Variants in AATK observed in about 807,000 individuals in gnomAD.
AATK encodes serine/threonine-protein kinase LMTK1.
In AATK, 91 loss-of-function variants were observed where a neutral mutation model predicts 114.3. That is an observed-to-expected ratio of 0.80 (90% confidence interval 0.67 to 0.95). The LOEUF (loss-of-function observed/expected upper bound fraction) is 0.95. Among genes scored for constraint, AATK ranks in the 40% least tolerant of loss-of-function variants. AATK has a pLI of 0.00. For synonymous variants in AATK, 1,075 were observed against 916.5 expected (o/e 1.17, Z -3.12); for missense variants, 2,176 against 1,965.2 (o/e 1.11, Z -2.03).
chr17:81,125,056 AGCAG>A, intron 7 of AATK, 42 bp from the exon 8 acceptor site: 1 of 1,077,522 alleles, frequency 9.3e-7, no homozygotes. Context: ...GAGCAGGGTG[AGCAG>A]GGTGTGCCGG....
In AATK at chr17:81,140,878, CCGTGGGGA is replaced by C. The variant is rs1407828664; in HGVS notation, c.56-6385_56-6378del. 8.0e-5 allele frequency among the ~76,000 whole-genome samples: 10 copies of C among 125,654 alleles called. 1 individual carries two copies. Among genetic ancestry groups the C allele is most frequent in the African/African-American group, 3.2e-4 (10 of 31,738 alleles). The allele number at this position is 125,654 out of a possible 152,430, so 82.4% of individuals were successfully genotyped here. A position where few individuals can be genotyped will look rare whatever the true frequency, so the allele number is the denominator to read the frequency against. ...GGCTGTGGGGCCGTGAGCCGTGGGG[CCGTGGGGA>C]CCGTGAGCTGTGAGCCGTGGGGCCG... On this transcript the variant is annotated intron_variant, in intron 1 of 13. Coordinates refer to ENST00000326724, the MANE Select transcript of AATK (RefSeq NM_001080395.3).
Position 81,122,591 on chromosome 17 carries a change from G to A in AATK, c.1345C>T (p.Leu449=), listed in dbSNP as rs2060713833. 2.8e-6 allele frequency: 4 copies of A among 1,442,484 alleles called. No homozygotes were observed. Among genetic ancestry groups the A allele is most frequent in the Non-Finnish European group, 3.7e-6 (4 of 1,088,858 alleles). 89.4% of individuals were successfully genotyped at this position (1,442,484 alleles called of 1,614,324 possible). A position where few individuals can be genotyped will look rare whatever the true frequency, so the allele number is the denominator to read the frequency against. ...VELAAASSFP[L]LEQFAGDGFH... The stretch of plus-strand genomic sequence containing the variant: ...CCGTCGCCCGCGAACTGCTCCAGCA[G>A]CGGGAAGGACGAGGCAGCGGCGAGC... The change falls in exon 11 of 14, where the codon CTG becomes TTG. Residue 449 remains leucine, a synonymous_variant. Transcript: ENST00000326724.
At chr17:81,133,613 G>T (rs1044158651) in intron 2 of AATK, among the ~76,000 whole-genome samples, 7 of 152,212 alleles carry the variant, frequency 4.6e-5, no homozygotes, top group African/African-American at 1.7e-4. Context: ...GCAGGAATGG[G>T]ACCCATGGAG....
rs981271807 is a variant in AATK at position 81,131,050 on chromosome 17, C to T, written c.334+11G>A. ...GAGGGAGGCCACCCCATCTCCCCAC[C>T]CAGCCCTCACCTGAGCGCCCAGGCT... On this transcript the variant is annotated intron_variant, in intron 3 of 13. Coordinates refer to ENST00000326724, the MANE Select transcript of AATK (RefSeq NM_001080395.3). 1.3e-6 allele frequency: 2 copies of T among 1,548,456 alleles called. No individual in the cohort carries two copies. Among genetic ancestry groups the T allele is most frequent in the African/African-American group, 1.4e-5 (1 of 73,238 alleles).
Position 81,122,724 on chromosome 17 carries a change from G to A in AATK, c.1212C>T (p.Thr404=), listed in dbSNP as rs781739918. The A allele has an allele frequency of 1.3e-6, 2 of 1,592,166 alleles. No individual in the cohort carries two copies. The highest frequency in any genetic ancestry group is 1.1e-5 in the South Asian group (1 of 87,644). The change falls in exon 11 of 14, where the codon ACC becomes ACT. Residue 404 remains threonine, a synonymous_variant. Transcript: ENST00000326724. The part of the protein sequence containing the change: ...LLSYLCAKGA[T]EAEEEFERRW... The stretch of plus-strand genomic sequence containing the variant: ...GCCGTTCAAACTCCTCCTCTGCTTC[G>A]GTGGCGCCCTTGGCACACAGGTAGG...
intron 1 of AATK, among the ~76,000 whole-genome samples, chr17:81,158,089 G>A (rs890438099): frequency 2.0e-5 from 3 of 152,202 alleles, no homozygotes; most frequent in Admixed American, 6.5e-5. Context: ...GCGGCCGGGC[G>A]TCGCGGATGC....
chr17:81,125,169 G>A (rs1023678193), intron 7 of AATK, 155 bp from the exon 8 acceptor site: 6 of 714,170 alleles, frequency 8.4e-6, no homozygotes, highest in East Asian at 2.7e-5. Flanking sequence ...AGGCTGGAAG[G>A]GGCGTTGGAG....
intron 1 of AATK, among the ~76,000 whole-genome samples, chr17:81,154,675 G>T (rs1336341168): frequency 7.1e-6 from 1 of 141,744 alleles, no homozygotes; most frequent in African/African-American, 2.9e-5. Flanking sequence ...TGTCGCCCAG[G>T]CTGGAGTGCA....
chr17:81,138,693 C>A lies in AATK; in HGVS notation c.56-4192G>T, dbSNP rs147136094. Reference sequence around the variant, plus strand: ...TACATGCACACCCACCCACACACACCCAAGCACGCAGATACCCACACGCGC... The same window carrying A: ...TACATGCACACCCACCCACACACACACAAGCACGCAGATACCCACACGCGC... On this transcript the variant is annotated intron_variant, in intron 1 of 13. Transcript: ENST00000326724. Among the ~76,000 whole-genome samples the A allele has an allele frequency of 1.7e-3, 256 of 149,606 alleles. 1 individual carries two copies. Among genetic ancestry groups the A allele is most frequent in the Non-Finnish European group, 2.8e-3 (191 of 67,366 alleles).
chr17:81,138,702 C>T (rs775664959), intron 1 of AATK, among the ~76,000 whole-genome samples: 3 of 151,176 alleles, frequency 2.0e-5, no homozygotes, highest in Non-Finnish European at 3.0e-5. Flanking sequence ...CCCAAGCACG[C>T]AGATACCCAC....
In AATK at chr17:81,121,473, A is replaced by ATCAGGGGCG. The variant is rs1449904372; in HGVS notation, c.2454_2462dup (p.Pro820_Ala822dup). 3.8e-6 allele frequency: 6 copies of ATCAGGGGCG among 1,577,378 alleles called. No homozygotes were observed. The highest frequency in any genetic ancestry group is 1.3e-5 in the African/African-American group (1 of 74,400). ...CAGGCGTGGGAGAGTCAGGCAGGGCATCAGGGGCGTCGGGGGCACTGGCCT... is the reference window on the plus strand; with the variant it reads ...CAGGCGTGGGAGAGTCAGGCAGGGCATCAGGGGCGTCAGGGGCGTCGGGGGCACTGGCCT... On this transcript the variant is annotated inframe_insertion, in exon 11 of 14. Coordinates refer to ENST00000326724, the MANE Select transcript of AATK (RefSeq NM_001080395.3).
intron 1 of AATK, among the ~76,000 whole-genome samples, chr17:81,134,942 C>A (rs953900705): frequency 6.6e-6 from 1 of 152,208 alleles, no homozygotes; most frequent in Non-Finnish European, 1.5e-5. Context: ...GGCCACACAC[C>A]AGGCTCTGGA....
At chr17:81,136,345 C>G (rs1429275511) in intron 1 of AATK, 1 of 152,292 alleles carries the variant, frequency 6.6e-6, no homozygotes, top group Non-Finnish European at 1.5e-5. Flanking sequence ...AGGCCACCTG[C>G]TGGGCAAAGA....
chr17:81,142,402 A>G (rs928326391), intron 1 of AATK, among the ~76,000 whole-genome samples: 2 of 151,798 alleles, frequency 1.3e-5, no homozygotes, highest in African/African-American at 2.4e-5. Flanking sequence ...CCTCCCAAGT[A>G]GCTGAGACCA....
chr17:81,150,316 G>A (rs1423626332), intron 1 of AATK, among the ~76,000 whole-genome samples: 1 of 151,802 alleles, frequency 6.6e-6, no homozygotes, highest in Admixed American at 6.6e-5. Flanking sequence ...CTCTGTCAAC[G>A]CTGGGTGGGG....
At chr17:81,156,237 T>C (rs996887640) in intron 1 of AATK, among the ~76,000 whole-genome samples, 78 of 151,490 alleles carry the variant, frequency 5.1e-4, no homozygotes, top group Admixed American at 6.6e-4. Context: ...TGTATGTTAC[T>C]ATGTTACAAT....
Position 81,121,946 on chromosome 17 carries a change from G to A in AATK, c.1990C>T (p.Leu664=), listed in dbSNP as rs747665089. The A allele has an allele frequency of 8.1e-6, 13 of 1,599,918 alleles. No individual in the cohort carries two copies. The highest frequency in any genetic ancestry group is 2.7e-5 in the African/African-American group (2 of 74,852). ...PPLPLTGEDE[L]EEVGARRAAQ... ...GCCCTCCGCGCTCCCACCTCCTCTA[G>A]CTCATCCTCGCCAGTCAGCGGCAGC... Residue 664 remains leucine, a synonymous_variant, in exon 11 of 14, where the codon CTA becomes TTA. Coordinates refer to ENST00000326724, the MANE Select transcript of AATK (RefSeq NM_001080395.3).
chr17:81,125,890 C>A, intron 7 of AATK: 1 of 469,160 alleles, frequency 2.1e-6, no homozygotes, highest in Non-Finnish European at 4.4e-6. Flanking sequence ...CCCTCTTCAA[C>A]AAAATCACTG....
intron 2 of AATK, among the ~76,000 whole-genome samples, chr17:81,131,751 C>T (rs1428416080): frequency 2.6e-5 from 4 of 152,136 alleles, no homozygotes; most frequent in African/African-American, 7.2e-5. Context: ...CCTCCCATGG[C>T]GCAGCTTCGG....
Sources: gnomAD v4.1 joint callset for allele counts (sites outside exome capture counted in the v4.1 genomes callset) on GRCh38, gnomAD v4.1.1 for gene constraint, MANE v1.5 for transcripts, NCBI Gene and HGNC (gene_info 2026-07-23, HGNC 2026-07-21) for gene names.